The following INO80 variants were observed in gnomAD, a reference collection of about 807,000 sequenced individuals.
The protein encoded by INO80 is INO80 complex ATPase subunit.
Under a neutral mutation model 203.4 loss-of-function variants are expected in INO80, and 20 were observed. The observed-to-expected ratio is 0.10, with a 90% CI of 0.07 to 0.14. INO80 has a LOEUF of 0.14. INO80 is among the 10% of genes least tolerant of loss of function. The pLI is 1.00. For synonymous variants in INO80, 726 were observed against 685.2 expected (o/e 1.06, Z -0.93); for missense variants, 1,419 against 1,914.4 (o/e 0.74, Z 4.83).
At chr15:41,015,979 A>T (rs955846756) in intron 27 of INO80, 109 bp downstream of exon 27, 1 of 860,992 alleles carries the variant, frequency 1.2e-6, no homozygotes, top group African/African-American at 1.7e-5. Context: ...AAAAAGACAA[A>T]AGGGAGTTTT....
intron 24 of INO80, among the ~76,000 whole-genome samples, chr15:41,034,753 T>G (rs1596278204): frequency 2.0e-5 from 3 of 152,284 alleles, no homozygotes; most frequent in Admixed American, 2.0e-4. Context: ...TCTTCTCAGG[T>G]TTGTTGGCCG....
intron 25 of INO80, among the ~76,000 whole-genome samples, chr15:41,027,178 T>G (rs1464300329): frequency 6.6e-6 from 1 of 152,216 alleles, no homozygotes; most frequent in African/African-American, 2.4e-5. Context: ...GAGACTGTAC[T>G]GAGGTGATAT....
chr15:41,018,184 C>T (rs570562730), intron 26 of INO80: 4 of 151,812 alleles, frequency 2.6e-5, no homozygotes, highest in African/African-American at 9.7e-5. Context: ...AAGCTAAGTT[C>T]GTAAGATTTC....
chr15:41,008,251 A>G (rs962712127), intron 27 of INO80, among the ~76,000 whole-genome samples: 26 of 139,480 alleles, frequency 1.9e-4, no homozygotes, highest in Non-Finnish European at 2.9e-4. Flanking sequence ...ACACACACAC[A>G]CACGAATATT....
At chr15:40,981,927 T>C (rs1451204664) in intron 35 of INO80, among the ~76,000 whole-genome samples, 1 of 152,182 alleles carries the variant, frequency 6.6e-6, no homozygotes, top group East Asian at 1.9e-4. Context: ...CTGTCACCAG[T>C]CCAAATCCTT....
chr15:41,081,558 C>T (rs961776546), intron 7 of INO80, among the ~76,000 whole-genome samples: 1 of 152,178 alleles, frequency 6.6e-6, no homozygotes, highest in African/African-American at 2.4e-5. Context: ...TCTGCCACCA[C>T]ATAAGCCTAA....
Position 41,047,395 on chromosome 15 carries a change from G to A in INO80, c.2735+13C>T. 6.3e-7 allele frequency: 1 copy of A among 1,591,648 alleles called. No individual in the cohort carries two copies. Among genetic ancestry groups the A allele is most frequent in the South Asian group, 1.1e-5 (1 of 90,258 alleles). On this transcript the variant is annotated intron_variant, in intron 23 of 35. Coordinates refer to ENST00000648947, the MANE Select transcript of INO80 (RefSeq NM_017553.3). ...TAACTGGCCTCTTATCAAGCAATAA[G>A]CAAACCTCTCACCTGGCCAAAAGTC...
chr15:41,069,481 C>G, intron 14 of INO80, 89 bp downstream of exon 14: 1 of 749,288 alleles, frequency 1.3e-6, no homozygotes, highest in Non-Finnish European at 2.1e-6. Context: ...AAATTTAAAA[C>G]TGTTATGAGT....
intron 29 of INO80, among the ~76,000 whole-genome samples, chr15:40,993,095 T>C (rs1421238894): frequency 6.6e-6 from 1 of 152,190 alleles, no homozygotes; most frequent in Non-Finnish European, 1.5e-5. Flanking sequence ...ATGCCCAGCC[T>C]AGAGCCCCTT....
At chr15:41,031,883 T>G (rs1168309354) in intron 24 of INO80, among the ~76,000 whole-genome samples, 1 of 152,020 alleles carries the variant, frequency 6.6e-6, no homozygotes, top group Non-Finnish European at 1.5e-5. Context: ...TAGGCCAGGA[T>G]GACAGGCTCC....
rs1181719178 is a variant in INO80 at position 41,007,174 on chromosome 15, T to A, written c.3403-1487A>T. On this transcript the variant is annotated intron_variant, in intron 27 of 35. Coordinates refer to ENST00000648947, the MANE Select transcript of INO80 (RefSeq NM_017553.3). ...GGCTTCCTGCACAGGCACTCTTTTT[T>A]TTTTTTTCTTTTTTTTTTTTTTTTT... 2.5e-5 allele frequency among the ~76,000 whole-genome samples: 3 copies of A among 122,376 alleles called. No homozygotes were observed. In the East Asian group the frequency reaches 6.6e-4, roughly 27 times the overall value. The allele number at this position is 122,376 out of a possible 152,430, so 80.3% of individuals were successfully genotyped here.
At chr15:41,028,228 C>T (rs1262056141) in intron 24 of INO80, among the ~76,000 whole-genome samples, 1 of 152,094 alleles carries the variant, frequency 6.6e-6, no homozygotes, top group Non-Finnish European at 1.5e-5. Flanking sequence ...CTCCACCTCC[C>T]AGATTCAAGC....
chr15:41,075,430 C>A (rs903190863), intron 9 of INO80, among the ~76,000 whole-genome samples: 2 of 151,888 alleles, frequency 1.3e-5, no homozygotes, highest in Admixed American at 1.3e-4. Context: ...CACCACAATG[C>A]CTGGCTAATT....
chr15:40,998,084 C>T (rs571263149), intron 28 of INO80, among the ~76,000 whole-genome samples: 3 of 141,284 alleles, frequency 2.1e-5, no homozygotes, highest in East Asian at 2.1e-4. Context: ...TGTAGAGGCG[C>T]GATCTCAGCT....
chr15:41,022,498 C>A (rs1423313027), intron 25 of INO80, among the ~76,000 whole-genome samples: 6 of 152,076 alleles, frequency 3.9e-5, no homozygotes, highest in Admixed American at 3.9e-4. Context: ...TTGACAAGCA[C>A]CCCAGCGTCC....
chr15:41,022,165 C>T (rs889749907), intron 25 of INO80, among the ~76,000 whole-genome samples: 2 of 152,222 alleles, frequency 1.3e-5, no homozygotes, highest in Non-Finnish European at 2.9e-5. Context: ...GATACTCAAT[C>T]TGCATACGCA....
intron 24 of INO80, among the ~76,000 whole-genome samples, chr15:41,043,178 A>T (rs2044698331): frequency 6.6e-6 from 1 of 152,194 alleles, no homozygotes; most frequent in South Asian, 2.1e-4. Flanking sequence ...GCATATCTCT[A>T]GCGTTAAGAA....
intron 24 of INO80, among the ~76,000 whole-genome samples, chr15:41,029,724 A>G (rs897345951): frequency 2.0e-5 from 3 of 152,218 alleles, no homozygotes; most frequent in Non-Finnish European, 4.4e-5. Context: ...AATGTCTAAC[A>G]TGAGTATCGT....
rs1304939209 is a variant in INO80 at position 40,980,445 on chromosome 15, G to A, written c.4454-5C>T. ...GAGGACTGCTGGCGGAGATTCCTGT[G>A]GGGACGGAGAGAGACAAGAACGTAA... On this transcript the variant is annotated splice_region_variant and splice_polypyrimidine_tract_variant and intron_variant, in intron 35 of 35. Transcript: ENST00000648947. The A allele has an allele frequency of 6.2e-7, 1 of 1,609,596 alleles. No individual in the cohort carries two copies. The highest frequency in any genetic ancestry group is 2.0e-4 in the Middle Eastern group (1 of 5,028).
Sources: allele counts gnomAD v4.1 joint callset (sites outside exome capture counted in the v4.1 genomes callset), GRCh38; gene constraint gnomAD v4.1.1; transcripts MANE v1.5; gene names NCBI Gene and HGNC (gene_info 2026-07-23, HGNC 2026-07-21).